Variants in CSMD1 observed in about 807,000 individuals in gnomAD.
CSMD1 encodes CUB and Sushi multiple domains 1, also known as CUB and sushi domain-containing protein 1.
Under a neutral mutation model 417.5 loss-of-function variants are expected in CSMD1, and 213 were observed. The observed-to-expected ratio is 0.51, with a 90% CI of 0.46 to 0.57. CSMD1 has a LOEUF of 0.57. Ranked by LOEUF, CSMD1 falls within the 20% of genes least tolerant of loss-of-function variation. The pLI, the probability that CSMD1 is intolerant of heterozygous loss-of-function variation, is 0.00. For missense variants in CSMD1, 6,923 were observed against 4,529.7 expected (o/e 1.53, Z -15.17); for synonymous variants, 2,862 against 1,736.8 (o/e 1.65, Z -16.11).
chr8:4,864,194 C>T (rs1260048011), intron 1 of CSMD1, among the ~76,000 whole-genome samples: 1 of 151,744 alleles, frequency 6.6e-6, no homozygotes, highest in Non-Finnish European at 1.5e-5. Flanking sequence ...GAAGTACAAC[C>T]AAAACAGACT....
intron 37 of CSMD1, among the ~76,000 whole-genome samples, chr8:3,175,514 TTCC>T (rs1345124775): frequency 9.2e-4 from 125 of 135,926 alleles, no homozygotes; most frequent in South Asian, 3.4e-3. Flanking sequence ...CCTGCCTTTT[TTCC>T]TTCCTTCCTT....
At chr8:4,447,046 C>T (rs539422103) in intron 2 of CSMD1, among the ~76,000 whole-genome samples, 7 of 152,120 alleles carry the variant, frequency 4.6e-5, no homozygotes, top group Admixed American at 6.5e-5. Flanking sequence ...GGATCATCAG[C>T]CTGTGTCAGG....
At chr8:4,569,485 T>C (rs1798779350) in intron 2 of CSMD1, among the ~76,000 whole-genome samples, 2 of 152,320 alleles carry the variant, frequency 1.3e-5, no homozygotes, top group Admixed American at 6.5e-5. Context: ...AGGCCTCTGT[T>C]CTGTTCCATT....
intron 3 of CSMD1, among the ~76,000 whole-genome samples, chr8:4,237,725 C>A (rs1243506756): frequency 6.6e-6 from 1 of 152,110 alleles, no homozygotes; most frequent in East Asian, 1.9e-4. Flanking sequence ...GTTGACCAGG[C>A]TAGTCTCAAA....
At chr8:4,456,319 TAAAA>T (rs1024554025) in intron 2 of CSMD1, among the ~76,000 whole-genome samples, 18 of 151,978 alleles carry the variant, frequency 1.2e-4, no homozygotes, top group African/African-American at 4.1e-4. Flanking sequence ...ACAGCAGTAA[TAAAA>T]AAATTAGTCA....
At position 3,367,018 on chromosome 8, in the gene CSMD1, C is replaced by G; in HGVS notation, c.3115+14G>C. 1 of 1,602,740 alleles carries G rather than the reference C, an allele frequency of 6.2e-7. No individual in the cohort carries two copies. Among genetic ancestry groups the G allele is most frequent in the Non-Finnish European group, 8.5e-7 (1 of 1,170,842 alleles). Reference sequence around the variant, plus strand: ...GTTGCCAGAGGAGAGAAACAGCAAACAAGACCAACATACCTGAAAATGTGA... The same window carrying G: ...GTTGCCAGAGGAGAGAAACAGCAAAGAAGACCAACATACCTGAAAATGTGA... On this transcript the variant is annotated intron_variant, in intron 20 of 69. Transcript: ENST00000635120.
chr8:4,095,349 C>A (rs774625324), intron 3 of CSMD1, among the ~76,000 whole-genome samples: 1 of 152,036 alleles, frequency 6.6e-6, no homozygotes. Flanking sequence ...TCCTGCATTG[C>A]CTGGTTGTAT....
At chr8:4,044,530 G>A (rs994272621) in intron 3 of CSMD1, among the ~76,000 whole-genome samples, 1 of 152,292 alleles carries the variant, frequency 6.6e-6, no homozygotes, top group Middle Eastern at 3.4e-3. Flanking sequence ...GGAGGAGCAG[G>A]ACACTTCATT....
At chr8:4,256,764 G>A (rs536734262) in intron 3 of CSMD1, among the ~76,000 whole-genome samples, 4 of 152,280 alleles carry the variant, frequency 2.6e-5, no homozygotes, top group East Asian at 1.9e-4. Flanking sequence ...GCAGTGCCCT[G>A]CTCTCAAGCA....
chr8:4,133,240 A>T (rs1164590740), intron 3 of CSMD1, among the ~76,000 whole-genome samples: 1 of 152,124 alleles, frequency 6.6e-6, no homozygotes, highest in Non-Finnish European at 1.5e-5. Flanking sequence ...CCAGCTGGTA[A>T]ACATCTAATA....
intron 3 of CSMD1, among the ~76,000 whole-genome samples, chr8:4,354,107 C>T (rs1170773426): frequency 6.6e-6 from 1 of 152,154 alleles, no homozygotes; most frequent in Admixed American, 6.6e-5. Flanking sequence ...TTCTCGTTAA[C>T]TTGCCCAAGA....
intron 12 of CSMD1, among the ~76,000 whole-genome samples, chr8:3,448,521 T>C (rs1464197084): frequency 6.6e-6 from 1 of 150,962 alleles, no homozygotes; most frequent in African/African-American, 2.4e-5. Flanking sequence ...GGAGAGAGGC[T>C]GCTGTGGGTT....
chr8:4,794,751 C>A (rs1390136024), intron 1 of CSMD1, among the ~76,000 whole-genome samples: 2 of 152,108 alleles, frequency 1.3e-5, no homozygotes, highest in African/African-American at 4.8e-5. Context: ...GATTATTGAG[C>A]CATTTGAATT....
intron 2 of CSMD1, among the ~76,000 whole-genome samples, chr8:4,600,791 C>T (rs577262858): frequency 2.6e-4 from 39 of 152,116 alleles, no homozygotes; most frequent in African/African-American, 7.2e-4. Flanking sequence ...TAACTTCAGA[C>T]GTAAGAAATC....
chr8:4,044,636 C>T (rs1162390588), intron 3 of CSMD1, among the ~76,000 whole-genome samples: 3 of 123,014 alleles, frequency 2.4e-5, no homozygotes, highest in Non-Finnish European at 5.5e-5. Flanking sequence ...AGAGACATAG[C>T]GCACCCTGTA....
chr8:4,468,261 C>A (rs921320607), intron 2 of CSMD1, among the ~76,000 whole-genome samples: 6 of 152,200 alleles, frequency 3.9e-5, no homozygotes, highest in African/African-American at 9.7e-5. Context: ...TTCTGAGACT[C>A]CTGACCCCAC....
chr8:3,567,703 C>T (rs1351352006), intron 10 of CSMD1, among the ~76,000 whole-genome samples: 7 of 152,098 alleles, frequency 4.6e-5, no homozygotes, highest in East Asian at 1.9e-4. Context: ...CTGGTTATTT[C>T]CCCTCTCTGA....
chr8:3,575,351 A>G (rs184592242), intron 9 of CSMD1, among the ~76,000 whole-genome samples: 1 of 152,224 alleles, frequency 6.6e-6, no homozygotes, highest in East Asian at 1.9e-4. Context: ...CTCATGTGCA[A>G]TGTCAATACC....
At chr8:4,447,689 T>A (rs190518644) in intron 2 of CSMD1, among the ~76,000 whole-genome samples, 1 of 152,318 alleles carries the variant, frequency 6.6e-6, no homozygotes, top group Non-Finnish European at 1.5e-5. Context: ...GACCTCTTGT[T>A]TTAGAAAGTG....
Sources: gnomAD v4.1 joint callset for allele counts (sites outside exome capture counted in the v4.1 genomes callset) on GRCh38, gnomAD v4.1.1 for gene constraint, MANE v1.5 for transcripts, NCBI Gene and HGNC (gene_info 2026-07-23, HGNC 2026-07-21) for gene names.